MICU2: variants seen among roughly 807,000 people sequenced by gnomAD.
MICU2 encodes mitochondrial calcium uptake 2, also known as calcium uptake protein 2, mitochondrial.
A neutral mutation model predicts 60.4 loss-of-function variants in MICU2; 64 were observed. That is an observed-to-expected ratio of 1.06 (90% confidence interval 0.87 to 1.31). The LOEUF (loss-of-function observed/expected upper bound fraction) is 1.31, where lower values mean the gene tolerates loss of function less well. Ranked by LOEUF, MICU2 falls within the 50% of genes most tolerant of loss-of-function variation. The pLI, the probability that MICU2 is intolerant of heterozygous loss-of-function variation, is 0.00. For synonymous variants in MICU2, 201 were observed against 175.0 expected (o/e 1.15, Z -1.17); for missense variants, 569 against 531.0 (o/e 1.07, Z -0.70).
intron 1 of MICU2, among the ~76,000 whole-genome samples, chr13:21,582,323 C>A (rs1284441136): frequency 6.6e-6 from 1 of 152,178 alleles, no homozygotes; most frequent in Non-Finnish European, 1.5e-5. Context: ...AGTAACTAGT[C>A]TTCTCAAGTC....
At chr13:21,552,464 T>C (rs546435533) in intron 2 of MICU2, among the ~76,000 whole-genome samples, 9 of 152,340 alleles carry the variant, frequency 5.9e-5, no homozygotes, top group South Asian at 2.1e-4. Flanking sequence ...TTGGCTTCTG[T>C]TGTCATTGCT....
chr13:21,566,713 A>G, intron 2 of MICU2, 84 bp downstream of exon 2: 1 of 1,150,574 alleles, frequency 8.7e-7, no homozygotes, highest in Non-Finnish European at 1.2e-6. Flanking sequence ...AAAATGAAGA[A>G]AAGCTGTTAT....
intron 2 of MICU2, among the ~76,000 whole-genome samples, chr13:21,544,568 CA>C (rs1887367228): frequency 7.9e-6 from 1 of 126,858 alleles, no homozygotes; most frequent in Non-Finnish European, 1.7e-5. Context: ...AAATGCAAAT[CA>C]AAACTATAAT....
intron 9 of MICU2, among the ~76,000 whole-genome samples, chr13:21,498,088 G>T (rs1435300079): frequency 1.3e-5 from 2 of 151,816 alleles, no homozygotes; most frequent in African/African-American, 4.8e-5. Context: ...ATTCTTCCCT[G>T]CCTGAAAAAA....
intron 1 of MICU2, among the ~76,000 whole-genome samples, chr13:21,593,503 A>T (rs1888628242): frequency 2.9e-5 from 1 of 34,788 alleles, no homozygotes; most frequent in Non-Finnish European, 7.9e-5. Flanking sequence ...CCCAGAATTA[A>T]AAAAAAAACA....
At chr13:21,500,034 A>G (rs190699957) in intron 9 of MICU2, among the ~76,000 whole-genome samples, 1 of 152,110 alleles carries the variant, frequency 6.6e-6, no homozygotes. Context: ...ACTGCAGCAA[A>G]GCTCAGGAAG....
At chr13:21,571,802 C>T (rs12429479) in intron 1 of MICU2, among the ~76,000 whole-genome samples, 51,931 of 152,168 alleles carry the variant, frequency 0.34, 9,337 homozygotes, top group South Asian at 0.4. Flanking sequence ...GTAGAGCAAG[C>T]TCCACTAAAG....
At chr13:21,591,450 C>G (rs570412043) in intron 1 of MICU2, among the ~76,000 whole-genome samples, 1 of 152,250 alleles carries the variant, frequency 6.6e-6, no homozygotes, top group African/African-American at 2.4e-5. Flanking sequence ...ACCCCACTGT[C>G]AGTATTGGAT....
At chr13:21,576,615 G>C (rs1401910438) in intron 1 of MICU2, among the ~76,000 whole-genome samples, 3 of 152,110 alleles carry the variant, frequency 2.0e-5, no homozygotes, top group East Asian at 3.8e-4. Flanking sequence ...CATTCATATA[G>C]TATTTTGCCC....
At chr13:21,513,920 C>G (rs111695617) in intron 7 of MICU2, among the ~76,000 whole-genome samples, 2 of 152,048 alleles carry the variant, frequency 1.3e-5, no homozygotes, top group African/African-American at 4.8e-5. Context: ...GAAGAATACA[C>G]AAGAAACTAA....
intron 4 of MICU2, among the ~76,000 whole-genome samples, chr13:21,536,599 C>CTGGGA (rs919798175): frequency 1.3e-5 from 2 of 152,170 alleles, no homozygotes; most frequent in African/African-American, 2.4e-5. Flanking sequence ...TCCCAAAGTG[C>CTGGGA]TGGGATTACA....
intron 7 of MICU2, among the ~76,000 whole-genome samples, chr13:21,510,480 G>C (rs1046357150): frequency 5.9e-5 from 9 of 152,182 alleles, no homozygotes; most frequent in African/African-American, 2.2e-4. Flanking sequence ...TTGAGCTTTT[G>C]TTGAATGTTG....
At chr13:21,535,863 T>C (rs1887117777) in intron 4 of MICU2, among the ~76,000 whole-genome samples, 1 of 152,112 alleles carries the variant, frequency 6.6e-6, no homozygotes, top group African/African-American at 2.4e-5. Context: ...AACAATCCCA[T>C]AAGGAAGGCA....
intron 1 of MICU2, among the ~76,000 whole-genome samples, chr13:21,592,699 G>C (rs1593360129): frequency 1.3e-5 from 2 of 152,308 alleles, no homozygotes; most frequent in Non-Finnish European, 2.9e-5. Flanking sequence ...TGGGATGCAA[G>C]GGTGGTTCAA....
intron 1 of MICU2, among the ~76,000 whole-genome samples, chr13:21,588,867 C>T (rs1171511941): frequency 6.6e-6 from 1 of 152,090 alleles, no homozygotes; most frequent in East Asian, 1.9e-4. Context: ...CAATTTAAAG[C>T]CCAAAATCAA....
At chr13:21,549,957 A>G (rs1887512425) in intron 2 of MICU2, among the ~76,000 whole-genome samples, 1 of 152,182 alleles carries the variant, frequency 6.6e-6, no homozygotes, top group Admixed American at 6.5e-5. Flanking sequence ...GTATGAAAAA[A>G]ACCTTCAGGG....
chr13:21,599,365 G>C (rs1335764906), intron 1 of MICU2, among the ~76,000 whole-genome samples: 1 of 152,192 alleles, frequency 6.6e-6, no homozygotes, highest in Non-Finnish European at 1.5e-5. Context: ...GAATGGACTG[G>C]AACAACAGAA....
chr13:21,500,220 C>T (rs1004848632), intron 9 of MICU2, among the ~76,000 whole-genome samples: 10 of 152,106 alleles, frequency 6.6e-5, no homozygotes, highest in African/African-American at 2.4e-4. Flanking sequence ...TGCTACATTA[C>T]GATAATAAAA....
At chr13:21,500,555 C>A (rs1886126349) in intron 9 of MICU2, among the ~76,000 whole-genome samples, 1 of 151,378 alleles carries the variant, frequency 6.6e-6, no homozygotes, top group African/African-American at 2.4e-5. Flanking sequence ...GCTGGGACTA[C>A]AGGTGTGTGG....
Sources: allele counts gnomAD v4.1 joint callset (sites outside exome capture counted in the v4.1 genomes callset), GRCh38; gene constraint gnomAD v4.1.1; transcripts MANE v1.5; gene names NCBI Gene and HGNC (gene_info 2026-07-23, HGNC 2026-07-21).